WWOX: variants seen among roughly 807,000 people sequenced by gnomAD.
WWOX encodes WW domain-containing oxidoreductase.
WWOX carries 69 observed loss-of-function variants against 46.2 expected under a neutral mutation model. That is an observed-to-expected ratio of 1.49 (90% CI 1.23 to 1.82). The LOEUF (loss-of-function observed/expected upper bound fraction) is 1.82, where lower values mean the gene tolerates loss of function less well. WWOX is among the 40% of genes most tolerant of loss of function. The probability of loss-of-function intolerance (pLI) is 0.00; values close to 1 mark genes in which losing one functional copy is unlikely to be tolerated. For synonymous variants in WWOX, 359 were observed against 202.6 expected (o/e 1.77, Z -6.56); for missense variants, 919 against 542.6 (o/e 1.69, Z -6.89).
At chr16:79,023,929 C>G (rs1026752295) in intron 8 of WWOX, among the ~76,000 whole-genome samples, 2 of 150,826 alleles carry the variant, frequency 1.3e-5, no homozygotes, top group East Asian at 2.0e-4. Flanking sequence ...GCACTCCAGC[C>G]TGGATGACAG....
chr16:78,839,941 A>G (rs1162979662), intron 8 of WWOX, among the ~76,000 whole-genome samples: 1 of 152,156 alleles, frequency 6.6e-6, no homozygotes, highest in Non-Finnish European at 1.5e-5. Context: ...TTAACCATAT[A>G]TTATTAGCTA....
At chr16:78,329,943 G>C (rs993320665) in intron 5 of WWOX, among the ~76,000 whole-genome samples, 2 of 151,866 alleles carry the variant, frequency 1.3e-5, no homozygotes, top group South Asian at 4.2e-4. Context: ...ACAAGTTCTT[G>C]CTATGTTGCC....
At chr16:79,145,831 C>T (rs969736093) in intron 8 of WWOX, among the ~76,000 whole-genome samples, 1 of 151,922 alleles carries the variant, frequency 6.6e-6, no homozygotes, top group African/African-American at 2.4e-5. Context: ...AAAAAAACCC[C>T]ATTCAAAATA....
In WWOX at chr16:78,875,085, C is replaced by T. The variant is rs569821595; in HGVS notation, c.1057-336523C>T. Among the ~76,000 whole-genome samples the T allele has an allele frequency of 1.9e-3, 292 of 152,304 alleles. 2 individuals carry two copies. The highest frequency in any genetic ancestry group is 3.3e-3 in the Non-Finnish European group (222 of 68,022). On this transcript the variant is annotated intron_variant, in intron 8 of 8. Transcript: ENST00000566780. ...GGACAACTCAACAAGCTAGCTCTTC[C>T]TGCCCAGCAGACTCGGTGGATTCTG...
At chr16:78,780,411 G>A (rs1054214202) in intron 8 of WWOX, 1 of 152,168 alleles carries the variant, frequency 6.6e-6, no homozygotes, top group Admixed American at 6.5e-5. Context: ...TGGATGTCTT[G>A]CAGAGCTGAG....
At chr16:78,283,963 AACCC>A (rs2079727089) in intron 5 of WWOX, among the ~76,000 whole-genome samples, 3 of 152,232 alleles carry the variant, frequency 2.0e-5, no homozygotes, top group Non-Finnish European at 4.4e-5. Context: ...AGGGTACAGT[AACCC>A]ATTAATATCA....
chr16:78,122,766 G>A (rs1187948566), intron 4 of WWOX, among the ~76,000 whole-genome samples: 4 of 151,822 alleles, frequency 2.6e-5, no homozygotes, highest in Non-Finnish European at 5.9e-5. Context: ...CACTATGTCC[G>A]GCTAATTTTT....
rs1305395657 is a variant in WWOX, at chr16:78,422,784, TAC to T, written c.606-2076_606-2075del. On this transcript the variant is annotated intron_variant, in intron 6 of 8. Coordinates refer to ENST00000566780, the MANE Select transcript of WWOX (RefSeq NM_016373.4). ...ACATATATATACACACATATATATATACACACACACATATATATACACACACA... is the reference window on the plus strand; with the variant it reads ...ACATATATATACACACATATATATATACACACACATATATATACACACACA... 2.1e-3 allele frequency among the ~76,000 whole-genome samples: 226 copies of T among 107,278 alleles called. 31 individuals are homozygous for T. The highest frequency in any genetic ancestry group is 0.013 in the African/African-American group (195 of 15,244). 70.4% of individuals were successfully genotyped at this position (107,278 alleles called of 152,430 possible).
At chr16:78,716,548 G>C (rs1332839326) in intron 8 of WWOX, among the ~76,000 whole-genome samples, 1 of 152,112 alleles carries the variant, frequency 6.6e-6, no homozygotes, top group Admixed American at 6.5e-5. Flanking sequence ...TATGTCACCT[G>C]TGTGTACTCC....
intron 4 of WWOX, among the ~76,000 whole-genome samples, chr16:78,143,999 C>T (rs1225109594): frequency 6.6e-6 from 1 of 152,010 alleles, no homozygotes; most frequent in Non-Finnish European, 1.5e-5. Context: ...ACATTTAAAT[C>T]ATACACATGA....
At chr16:78,454,139 A>G (rs781384689) in intron 8 of WWOX, among the ~76,000 whole-genome samples, 2 of 152,138 alleles carry the variant, frequency 1.3e-5, no homozygotes, top group Non-Finnish European at 2.9e-5. Flanking sequence ...TTTCTTGAGG[A>G]TTGGTCTCCG....
intron 8 of WWOX, among the ~76,000 whole-genome samples, chr16:78,478,951 C>G (rs1479091143): frequency 2.0e-5 from 3 of 151,930 alleles, no homozygotes; most frequent in East Asian, 1.9e-4. Context: ...CCCCTTTTCT[C>G]CTTTGATTTT....
chr16:78,929,911 C>T (rs1406286874), intron 8 of WWOX, among the ~76,000 whole-genome samples: 1 of 152,142 alleles, frequency 6.6e-6, no homozygotes, highest in African/African-American at 2.4e-5. Flanking sequence ...GCAGAATTTT[C>T]TAAGAGGTAC....
intron 5 of WWOX, among the ~76,000 whole-genome samples, chr16:78,175,692 T>A (rs901652303): frequency 6.6e-6 from 1 of 152,192 alleles, no homozygotes; most frequent in East Asian, 1.9e-4. Flanking sequence ...TGAGAGATCC[T>A]GAGTCAGAAC....
chr16:78,345,597 G>A lies in WWOX; in HGVS notation c.517-41263G>A, dbSNP rs375623151. ...CAAGGCTACAGTGAGCTGTGATCCT[G>A]TCTCTACACCTCAGTCTGGGTGGCA... is the stretch of plus-strand genomic sequence containing the variant. On this transcript the variant is annotated intron_variant, in intron 5 of 8. Transcript: ENST00000566780. 1.8e-3 allele frequency among the ~76,000 whole-genome samples: 153 copies of A among 82,706 alleles called. 17 individuals carry two copies. The South Asian group carries it at 0.058, about 31-fold the overall frequency. 54.3% of individuals were successfully genotyped at this position (82,706 alleles called of 152,430 possible).
intron 8 of WWOX, among the ~76,000 whole-genome samples, chr16:79,061,526 A>G (rs887197159): frequency 6.6e-6 from 1 of 152,158 alleles, no homozygotes; most frequent in African/African-American, 2.4e-5. Flanking sequence ...CAACAATTAG[A>G]AGCTGCTGAT....
chr16:78,427,140 A>G (rs1280933715), intron 7 of WWOX, among the ~76,000 whole-genome samples: 4 of 152,190 alleles, frequency 2.6e-5, no homozygotes, highest in African/African-American at 9.7e-5. Flanking sequence ...ACCATGCTGT[A>G]AAATGCAAGT....
chr16:78,451,585 G>A (rs1417623151), intron 8 of WWOX, among the ~76,000 whole-genome samples: 1 of 152,158 alleles, frequency 6.6e-6, no homozygotes, highest in Admixed American at 6.5e-5. Context: ...TTGGGCTTTG[G>A]ATTTTCTTTT....
chr16:79,115,598 C>G (rs1269623569), intron 8 of WWOX, among the ~76,000 whole-genome samples: 1 of 152,196 alleles, frequency 6.6e-6, no homozygotes, highest in Non-Finnish European at 1.5e-5. Flanking sequence ...CAGTTCTTCT[C>G]ACAAAGAAAG....
Sources: allele counts gnomAD v4.1 joint callset (sites outside exome capture counted in the v4.1 genomes callset), GRCh38; gene constraint gnomAD v4.1.1; transcripts MANE v1.5; gene names NCBI Gene and HGNC (gene_info 2026-07-23, HGNC 2026-07-21).